The following SEC31B variants were observed in gnomAD, a reference collection of about 807,000 sequenced individuals.
The protein encoded by SEC31B is protein transport protein Sec31B.
A neutral mutation model predicts 135.0 loss-of-function variants in SEC31B; 113 were observed. The ratio of observed to expected loss-of-function variants is 0.84; its 90% CI spans 0.72 to 0.98. The LOEUF (loss-of-function observed/expected upper bound fraction) is 0.98. SEC31B is among the 50% of genes least tolerant of loss of function. SEC31B has a pLI of 0.00. For missense variants in SEC31B, 1,296 were observed against 1,421.1 expected, an observed-to-expected ratio of 0.91 and a Z score of 1.42; for synonymous variants, 508 against 549.4, an observed-to-expected ratio of 0.92 and a Z score of 1.05.
At chr10:100,497,630 C>A in intron 16 of SEC31B, 37 bp downstream of exon 16, 1 of 1,614,010 alleles carries the variant, frequency 6.2e-7, no homozygotes, top group South Asian at 1.1e-5. Context: ...ATGCTGGAGT[C>A]ACACCATTTC....
At position 100,495,503 on chromosome 10, in the gene SEC31B, C is replaced by T. The variant is rs754712968; in HGVS notation, c.2354G>A (p.Gly785Asp). ...QLRDRLFHAQGSAVLGQQSPP... is the reference protein window; with the variant it reads ...QLRDRLFHAQDSAVLGQQSPP... ...AGACTGTTGGCCCAAGACAGCAGAA[C>T]CTTGAGCATGAAAAAGCCGATCTCT... The change falls in exon 19 of 26, where the codon GGT becomes GAT. Residue 785 changes from glycine (G) to aspartate (D), a missense_variant. Coordinates refer to ENST00000370345, the MANE Select transcript of SEC31B (RefSeq NM_015490.4). The T allele has an allele frequency of 4.3e-6, 7 of 1,613,848 alleles. No homozygotes were observed. The highest frequency in any genetic ancestry group is 1.7e-5 in the Admixed American group (1 of 59,978).
intron 19 of SEC31B, among the ~76,000 whole-genome samples, chr10:100,493,184 T>C (rs926519934): frequency 6.6e-6 from 1 of 151,964 alleles, no homozygotes; most frequent in African/African-American, 2.4e-5. Flanking sequence ...CCATCCTGGC[T>C]AACATGGTGA....
At chr10:100,487,838 T>A (rs773603364) in intron 25 of SEC31B, 43 bp from the exon 26 acceptor site, 1 of 1,606,694 alleles carries the variant, frequency 6.2e-7, no homozygotes, top group Admixed American at 1.7e-5. Flanking sequence ...CCAACCCAGC[T>A]CCTACCCTGG....
Position 100,496,300 on chromosome 10 carries a change from G to A in SEC31B, c.2268C>T (p.Ser756=). 5 of 1,614,174 alleles carry A rather than the reference G, an allele frequency of 3.1e-6. No homozygotes were observed. Among genetic ancestry groups the A allele is most frequent in the Non-Finnish European group, 4.2e-6 (5 of 1,180,014 alleles). The change falls in exon 18 of 26, where the codon AGC becomes AGT. Residue 756 remains serine (S), a synonymous_variant. Transcript: ENST00000370345. ...GTAGAAAGCTCATGGCAGTGGCCAGGCTGCCCTGGGCTGCCAGGAGGTTGG... is the reference window on the plus strand; with the variant it reads ...GTAGAAAGCTCATGGCAGTGGCCAGACTGCCCTGGGCTGCCAGGAGGTTGG... ...QYANLLAAQG[S]LATAMSFLPR... is the part of the protein sequence containing the mutation.
intron 9 of SEC31B, 89 bp downstream of exon 9, chr10:100,505,951 C>T: frequency 6.3e-7 from 1 of 1,581,756 alleles, no homozygotes; most frequent in Non-Finnish European, 8.6e-7. Flanking sequence ...TCCCAATCTC[C>T]AATATCTCCG....
chr10:100,509,091 C>T lies in SEC31B; in HGVS notation c.411G>A (p.Leu137=), dbSNP rs1222987723. 4.3e-6 allele frequency: 7 copies of T among 1,614,068 alleles called. No individual in the cohort carries two copies. The highest frequency in any genetic ancestry group is 1.1e-5 in the South Asian group (1 of 91,076). The change falls in exon 5 of 26, where the codon CTG becomes CTA. Residue 137 remains leucine, a synonymous_variant. Coordinates refer to ENST00000370345, the MANE Select transcript of SEC31B (RefSeq NM_015490.4). The part of the protein sequence containing the change: ...LDLNPFQGNL[L]ASGASDSEIF... ...TTTCAGAATCGCTGGCCCCTGAAGC[C>T]AGGAGGTTGCCCTGTATGAATAAAA...
intron 1 of SEC31B, among the ~76,000 whole-genome samples, chr10:100,518,192 G>C (rs1444508764): frequency 6.6e-6 from 1 of 152,220 alleles, no homozygotes; most frequent in Non-Finnish European, 1.5e-5. Flanking sequence ...AAAGGCTCCA[G>C]CCTACCACTT....
Position 100,506,123 on chromosome 10 carries a change from C to G in SEC31B, c.961G>C (p.Ala321Pro), listed in dbSNP as rs770331490. Reference sequence around the variant, plus strand: ...CTGATCCAGCCGTTGAAGGAGGCAGCAGAGAACACTGAAGGGTCCCGAGGG... The same window carrying G: ...CTGATCCAGCCGTTGAAGGAGGCAGGAGAGAACACTGAAGGGTCCCGAGGG... ...WCPRDPSVFS[A>P]ASFNGWISLY... Residue 321 changes from alanine to proline, a missense_variant, in exon 9 of 26, where the codon GCT (alanine) becomes CCT (proline). Physicochemically the swap from Ala to Pro is conservative, Grantham distance 27. Coordinates refer to ENST00000370345, the MANE Select transcript of SEC31B (RefSeq NM_015490.4). 1.2e-6 allele frequency: 2 copies of G among 1,614,230 alleles called. No homozygotes were observed. The highest frequency in any genetic ancestry group is 1.7e-6 in the Non-Finnish European group (2 of 1,180,036).
chr10:100,499,066 C>T, intron 13 of SEC31B, 94 bp downstream of exon 13: 1 of 1,003,210 alleles, frequency 1.0e-6, no homozygotes, highest in Non-Finnish European at 1.6e-6. Context: ...TAAACACTTA[C>T]AGACAGCAAA....
At position 100,490,226 on chromosome 10, in the gene SEC31B, G is replaced by C. The variant is rs1486719222; in HGVS notation, c.2747C>G (p.Pro916Arg). ...TCGCATGATGCCTGGGCATGCCATG[G>C]GTAGAGGGGAACCAGGAAGAGGCCA... ...GTWPLPGSPL[P>R]MACPGIMRPG... is the part of the protein sequence containing the mutation. Residue 916 changes from proline to arginine, a missense_variant, in exon 21 of 26, where the codon CCC becomes CGC. Transcript: ENST00000370345. 1 of 1,613,424 alleles carries C rather than the reference G, an allele frequency of 6.2e-7. No individual in the cohort carries two copies. The highest frequency in any genetic ancestry group is 1.7e-5 in the Admixed American group (1 of 59,934).
chr10:100,496,258 C>G lies in SEC31B; in HGVS notation c.2310G>C (p.Gln770His), dbSNP rs1851406080. 6.2e-7 allele frequency: 1 copy of G among 1,613,928 alleles called. No homozygotes were observed. Among genetic ancestry groups the G allele is most frequent in the African/African-American group, 1.3e-5 (1 of 75,064 alleles). ...GCTCTCTCCACATGGCCCCACTTAC[C>G]TGAGCACAGTCCCTGGGTAGAAAGC... ...AMSFLPRDCA[Q>H]PPVQQLRDRL... The change falls in exon 18 of 26, where the codon CAG becomes CAC. Residue 770 changes from glutamine to histidine, a missense_variant and splice_region_variant. Gln to His is a conservative substitution (Grantham distance 24). Transcript: ENST00000370345.
Position 100,507,482 on chromosome 10 carries a change from T to C in SEC31B, c.725A>G (p.Gln242Arg). 1 of 1,614,198 alleles carries C rather than the reference T, an allele frequency of 6.2e-7. No individual in the cohort carries two copies. Among genetic ancestry groups the C allele is most frequent in the Non-Finnish European group, 8.5e-7 (1 of 1,180,024 alleles). ...GGAGGCAAAGCGCAAGTCCCACAGCTGAATCACGGGAAGTCGATCATCCTC... is the reference window on the plus strand; with the variant it reads ...GGAGGCAAAGCGCAAGTCCCACAGCCGAATCACGGGAAGTCGATCATCCTC... ...CSEDDRLPVIQLWDLRFASSP... is the reference protein window; with the variant it reads ...CSEDDRLPVIRLWDLRFASSP... Residue 242 changes from glutamine (Q) to arginine (R), a missense_variant, in exon 7 of 26, where the codon CAG becomes CGG. Physicochemically the swap from Gln to Arg is conservative, Grantham distance 43. Transcript: ENST00000370345.
rs764252415 is a variant in SEC31B at position 100,509,371 on chromosome 10, G to A, written c.344C>T (p.Ala115Val). Reference protein sequence around the residue: ...ILSSGKEPVIAQKQKHTGAVR... With the variant: ...ILSSGKEPVIVQKQKHTGAVR... ...AGCCCCCGTGTGCTTCTGTTTCTGA[G>A]CAATCACAGGCTCCTTCCCCGAAGA... is the stretch of plus-strand genomic sequence containing the variant. The change falls in exon 4 of 26, where the codon GCT becomes GTT. Residue 115 changes from alanine to valine, a missense_variant. Physicochemically the swap from Ala to Val is moderately conservative, Grantham distance 64. Transcript: ENST00000370345. The A allele has an allele frequency of 5.8e-5, 94 of 1,613,960 alleles. No homozygotes were observed. The highest frequency in any genetic ancestry group is 7.9e-5 in the Non-Finnish European group (93 of 1,180,020).
chr10:100,499,154 C>T lies in SEC31B; in HGVS notation c.1584+6G>A. 1 of 1,613,252 alleles carries T rather than the reference C, an allele frequency of 6.2e-7. No homozygotes were observed. The highest frequency in any genetic ancestry group is 1.7e-4 in the Middle Eastern group (1 of 6,060). ...ATAGGTCAGGCTGACTGGACTCCTA[C>T]CACACCTGGCTGCAGAAGGCCTGTT... On this transcript the variant is annotated splice_donor_region_variant and intron_variant, in intron 13 of 25. Coordinates refer to ENST00000370345, the MANE Select transcript of SEC31B (RefSeq NM_015490.4).
At chr10:100,507,779 T>C (rs775063789) in intron 6 of SEC31B, 129 bp downstream of exon 6, 2 of 1,376,778 alleles carry the variant, frequency 1.5e-6, no homozygotes, top group Admixed American at 3.7e-5. Context: ...ATAGGAAATG[T>C]GCTAAGCGGC....
intron 11 of SEC31B, among the ~76,000 whole-genome samples, chr10:100,500,736 G>A (rs1052463293): frequency 2.0e-5 from 3 of 152,176 alleles, no homozygotes; most frequent in African/African-American, 4.8e-5. Context: ...TGAAGCCCCC[G>A]TAATCTTGGT....
Position 100,502,164 on chromosome 10 carries a change from G to T in SEC31B, c.1410+90C>A, listed in dbSNP as rs549587371. 14 of 960,636 alleles carry T rather than the reference G, an allele frequency of 1.5e-5. 1 individual carries two copies. In the South Asian group the frequency reaches 1.6e-4, roughly 11 times the overall value. The allele number at this position is 960,636 out of a possible 1,614,324, so 59.5% of individuals were successfully genotyped here. On this transcript the variant is annotated intron_variant, in intron 11 of 25. Transcript: ENST00000370345. ...TAAGGCCTCTGTGATCTGGGTCCCA[G>T]TGTGCTTGTGCTTCTCCTGCAGTTG...
chr10:100,497,260 C>T lies in SEC31B; in HGVS notation c.2011G>A (p.Glu671Lys), dbSNP rs761478037. 1.2e-6 allele frequency: 2 copies of T among 1,614,168 alleles called. No homozygotes were observed. The highest frequency in any genetic ancestry group is 2.2e-5 in the East Asian group (1 of 44,882). Residue 671 changes from glutamate to lysine, a missense_variant, in exon 17 of 26, where the codon GAA (glutamate) becomes AAA (lysine). Physicochemically the swap from Glu to Lys is moderately conservative, Grantham distance 56. Coordinates refer to ENST00000370345, the MANE Select transcript of SEC31B (RefSeq NM_015490.4). ...GTTAGTGCCCTGCTGCCCTCCTGTT[C>T]CATGCGAGTTCCCAGCATGTCTGCA... ...ELCDMLGTRM[E>K]QEGSRALTSE...
chr10:100,519,388 T>C (rs1312445350), intron 1 of SEC31B, among the ~76,000 whole-genome samples: 1 of 152,198 alleles, frequency 6.6e-6, no homozygotes, highest in Non-Finnish European at 1.5e-5. Flanking sequence ...GGGAGGACGG[T>C]CAGCACAGCC....
Sources: gnomAD v4.1 joint callset for allele counts (sites outside exome capture counted in the v4.1 genomes callset) on GRCh38, gnomAD v4.1.1 for gene constraint, MANE v1.5 for transcripts, NCBI Gene and HGNC (gene_info 2026-07-23, HGNC 2026-07-21) for gene names.